RPTOR: variants seen among roughly 807,000 people sequenced by gnomAD.
The protein encoded by RPTOR is regulatory-associated protein of mTOR.
A neutral mutation model predicts 169.9 loss-of-function variants in RPTOR; 21 were observed. That is an observed-to-expected ratio of 0.12 (90% CI 0.09 to 0.18). The LOEUF (loss-of-function observed/expected upper bound fraction) is 0.18, where lower values mean the gene tolerates loss of function less well. Among genes scored for constraint, RPTOR ranks in the 10% least tolerant of loss-of-function variants. RPTOR has a pLI of 1.00. For missense variants in RPTOR, 1,133 were observed against 1,855.9 expected (o/e 0.61, Z 7.16); for synonymous variants, 732 against 753.2 (o/e 0.97, Z 0.46).
chr17:80,678,341 A>G (rs1407185882), intron 3 of RPTOR, among the ~76,000 whole-genome samples: 1 of 152,238 alleles, frequency 6.6e-6, no homozygotes, highest in Non-Finnish European at 1.5e-5. Context: ...GTGGTGGCTC[A>G]TGCCTATAAT....
chr17:80,893,404 G>GTGTGTT (rs2068355689), intron 19 of RPTOR, among the ~76,000 whole-genome samples: 1 of 147,780 alleles, frequency 6.8e-6, no homozygotes, highest in African/African-American at 2.5e-5. Flanking sequence ...GGGTGTGTGT[G>GTGTGTT]TGTGTGTACA....
intron 1 of RPTOR, among the ~76,000 whole-genome samples, chr17:80,611,646 A>T (rs1255368553): frequency 2.0e-5 from 3 of 152,144 alleles, no homozygotes; most frequent in Non-Finnish European, 4.4e-5. Context: ...CCGTCTAACC[A>T]TAATACCAAT....
chr17:80,920,712 C>G (rs894042413), intron 21 of RPTOR, among the ~76,000 whole-genome samples: 1 of 152,270 alleles, frequency 6.6e-6, no homozygotes, highest in Non-Finnish European at 1.5e-5. Context: ...CCTTTGTGCT[C>G]CGTGAGCGTC....
chr17:80,838,591 C>T (rs572218018), intron 10 of RPTOR, among the ~76,000 whole-genome samples: 10 of 152,220 alleles, frequency 6.6e-5, no homozygotes, highest in African/African-American at 1.2e-4. Flanking sequence ...ATAAATAAGA[C>T]GGAGGCCCTG....
chr17:80,851,684 C>T (rs1197315276), intron 11 of RPTOR, among the ~76,000 whole-genome samples: 2 of 152,250 alleles, frequency 1.3e-5, no homozygotes, highest in Non-Finnish European at 1.5e-5. Flanking sequence ...TACAGTGGGA[C>T]ACTCGGGACC....
intron 1 of RPTOR, among the ~76,000 whole-genome samples, chr17:80,599,324 GC>G (rs1214931756): frequency 8.2e-5 from 12 of 146,224 alleles, no homozygotes; most frequent in Non-Finnish European, 1.4e-4. Context: ...CCCAGCTGAG[GC>G]CCCCTGAGAC....
chr17:80,674,787 C>CAAAAAAAAAAAAAAAAAAAA (rs9319608), intron 3 of RPTOR, among the ~76,000 whole-genome samples: 2 of 89,954 alleles, frequency 2.2e-5, no homozygotes, highest in African/African-American at 4.1e-5. Context: ...GACTCTGTCT[C>CAAAAAAAAAAAAAAAAAAAA]AAAAAAAAAA....
chr17:80,579,329 G>A (rs1345652915), intron 1 of RPTOR, among the ~76,000 whole-genome samples: 1 of 152,164 alleles, frequency 6.6e-6, no homozygotes, highest in Non-Finnish European at 1.5e-5. Context: ...GAGTAGCTGG[G>A]ATTACAGGCA....
intron 1 of RPTOR, among the ~76,000 whole-genome samples, chr17:80,590,737 T>C (rs1024479802): frequency 6.6e-6 from 1 of 152,284 alleles, no homozygotes; most frequent in Admixed American, 6.5e-5. Flanking sequence ...AATATTTTTG[T>C]AACTCTTTTT....
chr17:80,901,325 C>T lies in RPTOR; in HGVS notation c.2401+7460C>T, dbSNP rs367834642. On this transcript the variant is annotated intron_variant, in intron 20 of 33. Coordinates refer to ENST00000306801, the MANE Select transcript of RPTOR (RefSeq NM_020761.3). ...GCCGGTTCTTTCTTTTCTGTCTTCT[C>T]GAAGGAGCTGGACTCCCCATTCCAC... 2.0e-4 allele frequency among the ~76,000 whole-genome samples: 30 copies of T among 152,176 alleles called. No individual in the cohort carries two copies. In the South Asian group the frequency reaches 4.8e-3, roughly 24 times the overall value.
intron 14 of RPTOR, among the ~76,000 whole-genome samples, chr17:80,881,919 G>T (rs1478407198): frequency 6.6e-6 from 1 of 152,222 alleles, no homozygotes; most frequent in African/African-American, 2.4e-5. Context: ...TGTTTCTTCA[G>T]TGCTTTGTGC....
intron 1 of RPTOR, among the ~76,000 whole-genome samples, chr17:80,547,616 G>A (rs2084292848): frequency 6.6e-6 from 1 of 152,166 alleles, no homozygotes; most frequent in Non-Finnish European, 1.5e-5. Flanking sequence ...AACATCTTCA[G>A]TTGAGTGTGT....
intron 17 of RPTOR, among the ~76,000 whole-genome samples, chr17:80,887,732 C>T (rs890435159): frequency 6.6e-6 from 1 of 152,174 alleles, no homozygotes; most frequent in African/African-American, 2.4e-5. Context: ...AAGGTTACAT[C>T]CATCCTACTT....
At chr17:80,849,054 G>A (rs547562951) in intron 11 of RPTOR, among the ~76,000 whole-genome samples, 1 of 152,334 alleles carries the variant, frequency 6.6e-6, no homozygotes, top group African/African-American at 2.4e-5. Flanking sequence ...TAACACAAAA[G>A]TAGGGAAAGA....
In RPTOR at chr17:80,661,626, G is replaced by A. The variant is rs2065724749; in HGVS notation, c.348+17816G>A. Among the ~76,000 whole-genome samples the A allele has an allele frequency of 3.3e-5, 5 of 152,196 alleles. No homozygotes were observed. The South Asian group carries it at 8.3e-4, about 25-fold the overall frequency. On this transcript the variant is annotated intron_variant, in intron 3 of 33. Coordinates refer to ENST00000306801, the MANE Select transcript of RPTOR (RefSeq NM_020761.3). ...CGATAAGGTCGGAGAGTCTCTCCCC[G>A]GCGCTCCTATGCACATCTTGTTAAG...
In RPTOR at chr17:80,690,336, C is replaced by CACAT. The variant is rs150062177; in HGVS notation, c.349-17502_349-17501insTACA. 6.9e-4 allele frequency among the ~76,000 whole-genome samples: 76 copies of CACAT among 109,862 alleles called. No homozygotes were observed. The South Asian group carries it at 0.018, about 26-fold the overall frequency. 72.1% of individuals were successfully genotyped at this position (109,862 alleles called of 152,430 possible). A position where few individuals can be genotyped will look rare whatever the true frequency, so the allele number is the denominator to read the frequency against. On this transcript the variant is annotated intron_variant, in intron 3 of 33. Coordinates refer to ENST00000306801, the MANE Select transcript of RPTOR (RefSeq NM_020761.3). ...ATAAGTATGCTTCTAAACACACACA[C>CACAT]ACACATACACACACACACAATGTTT...
intron 1 of RPTOR, among the ~76,000 whole-genome samples, chr17:80,608,505 A>T (rs1469598224): frequency 6.6e-6 from 1 of 152,182 alleles, no homozygotes; most frequent in African/African-American, 2.4e-5. Flanking sequence ...TTGGCCCTCA[A>T]ACAACCCTCT....
intron 3 of RPTOR, among the ~76,000 whole-genome samples, chr17:80,684,958 G>A (rs1047983811): frequency 1.2e-4 from 19 of 152,106 alleles, no homozygotes; most frequent in South Asian, 2.1e-4. Context: ...AGATAATACC[G>A]CATTGTATAA....
chr17:80,609,706 C>T lies in RPTOR; in HGVS notation c.163-15985C>T, dbSNP rs1599599146. 2.0e-5 allele frequency among the ~76,000 whole-genome samples: 3 copies of T among 151,138 alleles called. No individual in the cohort carries two copies. The South Asian group carries it at 6.2e-4, about 31-fold the overall frequency. ...GTTGCAGTGAGCTGAGATTGCACTG[C>T]TGCACTCCAGCCTGGGCGACAGAGC... is the stretch of plus-strand genomic sequence containing the variant. On this transcript the variant is annotated intron_variant, in intron 1 of 33. Transcript: ENST00000306801. This position sits in a 1 kb window ranked among gnomAD's most constrained non-coding sequence, Gnocchi z 4.8.
Sources: allele counts gnomAD v4.1 joint callset (sites outside exome capture counted in the v4.1 genomes callset), GRCh38; gene constraint gnomAD v4.1.1; non-coding constraint Gnocchi (gnomAD v3.1); transcripts MANE v1.5; gene names NCBI Gene and HGNC (gene_info 2026-07-23, HGNC 2026-07-21).